CSMD1: variants seen among roughly 807,000 people sequenced by gnomAD.
The protein encoded by CSMD1 is CUB and Sushi multiple domains 1.
A neutral mutation model predicts 417.5 loss-of-function variants in CSMD1; 213 were observed. The ratio of observed to expected loss-of-function variants is 0.51; its 90% CI spans 0.46 to 0.57. The LOEUF is 0.57. Among genes scored for constraint, CSMD1 ranks in the 20% least tolerant of loss-of-function variants. The probability of loss-of-function intolerance (pLI) is 0.00; values close to 1 mark genes in which losing one functional copy is unlikely to be tolerated. For missense variants in CSMD1, 6,923 were observed against 4,529.7 expected (o/e 1.53, Z -15.17); for synonymous variants, 2,862 against 1,736.8 (o/e 1.65, Z -16.11).
chr8:3,351,706 A>G (rs1808436136), intron 21 of CSMD1, among the ~76,000 whole-genome samples: 1 of 148,864 alleles, frequency 6.7e-6, no homozygotes, highest in Non-Finnish European at 1.5e-5. Flanking sequence ...GAATAATTGT[A>G]TATAGAAACA....
At chr8:4,206,557 T>G (rs998675252) in intron 3 of CSMD1, among the ~76,000 whole-genome samples, 1 of 152,204 alleles carries the variant, frequency 6.6e-6, no homozygotes. Flanking sequence ...GGTGTATATG[T>G]GCCACATTTT....
chr8:3,727,306 C>T (rs1802552187), intron 6 of CSMD1, among the ~76,000 whole-genome samples: 1 of 152,186 alleles, frequency 6.6e-6, no homozygotes, highest in Non-Finnish European at 1.5e-5. Flanking sequence ...AGCTCATCTG[C>T]AGAGCCTCCC....
rs970862332 is a variant in CSMD1 at position 4,417,315 on chromosome 8, T to C, written c.415+2638A>G. On this transcript the variant is annotated intron_variant, in intron 3 of 69. Coordinates refer to ENST00000635120, the MANE Select transcript of CSMD1 (RefSeq NM_033225.6). The stretch of plus-strand genomic sequence containing the variant: ...GCTTAATAGTTCCATGTGTGAATAA[T>C]AGTTTATGTAAATAAAGCCTATTCC... 2.0e-5 allele frequency among the ~76,000 whole-genome samples: 3 copies of C among 152,062 alleles called. No homozygotes were observed. The East Asian group carries it at 5.8e-4, about 29-fold the overall frequency.
intron 50 of CSMD1, among the ~76,000 whole-genome samples, chr8:3,037,362 A>C (rs56259737): frequency 0.24 from 31,167 of 130,466 alleles, 4,686 homozygotes; most frequent in African/African-American, 0.32. Flanking sequence ...CCCGCCACCA[A>C]GCCCAGCTAA....
chr8:4,876,340 A>G (rs1803042639), intron 1 of CSMD1, among the ~76,000 whole-genome samples: 1 of 152,098 alleles, frequency 6.6e-6, no homozygotes, highest in South Asian at 2.1e-4. Flanking sequence ...CTTAAAATCT[A>G]CAGGTAACAA....
At chr8:4,082,575 G>A (rs182819688) in intron 3 of CSMD1, among the ~76,000 whole-genome samples, 70 of 151,880 alleles carry the variant, frequency 4.6e-4, no homozygotes, top group African/African-American at 1.6e-3. Context: ...GCTTCATTAT[G>A]AGCCTAGAAG....
chr8:3,485,016 A>T (rs560653110), intron 11 of CSMD1, among the ~76,000 whole-genome samples: 1 of 152,204 alleles, frequency 6.6e-6, no homozygotes, highest in South Asian at 2.1e-4. Flanking sequence ...TTCCTACAAA[A>T]CTAAACATAC....
intron 3 of CSMD1, among the ~76,000 whole-genome samples, chr8:4,348,154 T>G (rs1800881369): frequency 6.6e-6 from 1 of 152,198 alleles, no homozygotes; most frequent in Non-Finnish European, 1.5e-5. Flanking sequence ...TTTCGGTTTT[T>G]AAAACATATT....
At position 2,937,646 on chromosome 8, in the gene CSMD1, T is replaced by C. The variant is rs1051090097; in HGVS notation, c.*939A>G. ...TACTAAAGGAGGAAAACGTGTGAAA[T>C]AAGGAGGCTTCTGTTTTTTTCTCAT... is the stretch of plus-strand genomic sequence containing the variant. On this transcript the variant is annotated 3_prime_UTR_variant, in exon 70 of 70. Transcript: ENST00000635120. The C allele has an allele frequency of 6.6e-5, 10 of 152,198 alleles. No homozygotes were observed. Among genetic ancestry groups the C allele is most frequent in the African/African-American group, 2.2e-4 (9 of 41,444 alleles). The allele number at this position is 152,198 out of a possible 1,614,324, so 9.4% of individuals were successfully genotyped here.
At chr8:4,214,308 T>C (rs1321268188) in intron 3 of CSMD1, among the ~76,000 whole-genome samples, 1 of 152,190 alleles carries the variant, frequency 6.6e-6, no homozygotes, top group Non-Finnish European at 1.5e-5. Flanking sequence ...GTATTAGTTT[T>C]ATTATTTGAG....
intron 8 of CSMD1, among the ~76,000 whole-genome samples, chr8:3,607,501 T>C (rs1584953431): frequency 6.6e-6 from 1 of 152,232 alleles, no homozygotes; most frequent in Admixed American, 6.5e-5. Flanking sequence ...TTTCTGTGAC[T>C]GGCAGCACAG....
At chr8:4,142,733 C>T (rs1043448361) in intron 3 of CSMD1, among the ~76,000 whole-genome samples, 7 of 151,064 alleles carry the variant, frequency 4.6e-5, no homozygotes, top group East Asian at 1.9e-4. Context: ...CCTGACACAA[C>T]GTGAGATTAC....
intron 3 of CSMD1, among the ~76,000 whole-genome samples, chr8:4,166,815 A>G (rs1274940015): frequency 6.6e-6 from 1 of 152,226 alleles, no homozygotes; most frequent in Admixed American, 6.5e-5. Context: ...ATGAGACAAT[A>G]TTTTACACTA....
At chr8:4,663,316 T>A (rs1203001264) in intron 1 of CSMD1, among the ~76,000 whole-genome samples, 2 of 152,216 alleles carry the variant, frequency 1.3e-5, no homozygotes, top group Non-Finnish European at 2.9e-5. Context: ...CCCATCTTTT[T>A]AAAGGGGAAA....
At chr8:4,425,171 T>TA (rs1797476509) in intron 2 of CSMD1, among the ~76,000 whole-genome samples, 1 of 152,044 alleles carries the variant, frequency 6.6e-6, no homozygotes, top group Non-Finnish European at 1.5e-5. Flanking sequence ...TTAAGTTTTA[T>TA]AAAAAATTGT....
intron 10 of CSMD1, among the ~76,000 whole-genome samples, chr8:3,571,822 T>C (rs370551455): frequency 7.2e-5 from 11 of 152,104 alleles, no homozygotes; most frequent in African/African-American, 2.7e-4. Flanking sequence ...TCATCTTTCA[T>C]CTGAAGTACT....
chr8:4,801,811 T>A (rs1339481885), intron 1 of CSMD1, among the ~76,000 whole-genome samples: 3 of 152,202 alleles, frequency 2.0e-5, no homozygotes, highest in African/African-American at 7.2e-5. Context: ...TGAATACAGC[T>A]ACTCTTTTCT....
At chr8:4,265,449 A>C (rs1445742075) in intron 3 of CSMD1, among the ~76,000 whole-genome samples, 1 of 53,468 alleles carries the variant, frequency 1.9e-5, no homozygotes, top group African/African-American at 3.5e-5. Flanking sequence ...CCTCTAACTT[A>C]ATTTGACCTC....
chr8:3,425,680 CTGT>C (rs1374972196), intron 12 of CSMD1, among the ~76,000 whole-genome samples: 1 of 151,860 alleles, frequency 6.6e-6, no homozygotes, highest in Non-Finnish European at 1.5e-5. Flanking sequence ...CATTACTCTT[CTGT>C]TGTTGTTAGT....
Sources: allele counts gnomAD v4.1 joint callset (sites outside exome capture counted in the v4.1 genomes callset), GRCh38; gene constraint gnomAD v4.1.1; transcripts MANE v1.5; gene names NCBI Gene and HGNC (gene_info 2026-07-23, HGNC 2026-07-21).